The following FAT1 variants were observed in gnomAD, a reference collection of about 807,000 sequenced individuals.
FAT1 encodes protocadherin Fat 1.
A neutral mutation model predicts 329.8 loss-of-function variants in FAT1; 171 were observed. The ratio of observed to expected loss-of-function variants is 0.52; its 90% CI spans 0.46 to 0.59. The LOEUF (loss-of-function observed/expected upper bound fraction) is 0.59. Among genes scored for constraint, FAT1 ranks in the 20% least tolerant of loss-of-function variants. The pLI is 0.00. For missense variants in FAT1, 5,672 were observed against 5,774.4 expected (o/e 0.98, Z 0.57); for synonymous variants, 2,233 against 2,228.6 (o/e 1.00, Z -0.06).
intron 7 of FAT1, among the ~76,000 whole-genome samples, 180 bp downstream of exon 7, chr4:186,633,504 A>C (rs544399758): frequency 6.6e-6 from 1 of 152,266 alleles, no homozygotes; most frequent in East Asian, 1.9e-4. Flanking sequence ...GCAAAACCCA[A>C]ATTGGGATAT....
chr4:186,677,493 T>A (rs1039138124), intron 2 of FAT1, among the ~76,000 whole-genome samples: 1 of 149,340 alleles, frequency 6.7e-6, no homozygotes, highest in Non-Finnish European at 1.5e-5. Flanking sequence ...AATTCAGGGT[T>A]TTTTTTTTTA....
intron 22 of FAT1, among the ~76,000 whole-genome samples, chr4:186,599,598 C>T (rs1299914076): frequency 2.0e-5 from 3 of 152,270 alleles, no homozygotes; most frequent in African/African-American, 4.8e-5. Flanking sequence ...TCCCCTGGGC[C>T]GATGACTATG....
Position 186,715,554 on chromosome 4 carries a change from T to G in FAT1, c.-18-5709A>C, listed in dbSNP as rs369084101. Among the ~76,000 whole-genome samples, 22 of 152,308 alleles carry G rather than the reference T, an allele frequency of 1.4e-4. No homozygotes were observed. In the South Asian group the frequency reaches 4.6e-3, roughly 32 times the overall value. On this transcript the variant is annotated intron_variant, in intron 1 of 26. Transcript: ENST00000441802. Reference sequence around the variant, plus strand: ...ATAAAAACCACCCTGATCAAAACAATGGCTGTGGCTCTCATGCAAAACAAA... The same window carrying G: ...ATAAAAACCACCCTGATCAAAACAAGGGCTGTGGCTCTCATGCAAAACAAA...
In FAT1 at chr4:186,707,033, T is replaced by C. The variant is rs752333957; in HGVS notation, c.2795A>G (p.Tyr932Cys). 3.7e-6 allele frequency: 6 copies of C among 1,613,818 alleles called. No homozygotes were observed. The Admixed American group carries it at 6.7e-5, about 18-fold the overall frequency. The part of the protein sequence containing the change: ...DNPPTFIPPN[Y>C]RVKVREDLPE... ...AAGATCCTCTCGGACTTTCACACGA[T>C]AATTAGGTGGAATAAATGTAGGTGG... The change falls in exon 2 of 27, where the codon TAT (tyrosine) becomes TGT (cysteine). Residue 932 changes from tyrosine (Y) to cysteine (C), a missense_variant. Around this residue, in one of 2 missense-constraint regions of FAT1, gnomAD observed 3,966 missense variants for 3,915.2 expected, o/e 1.01. Coordinates refer to ENST00000441802, the MANE Select transcript of FAT1 (RefSeq NM_005245.4).
At chr4:186,719,196 G>A (rs936031356) in intron 1 of FAT1, among the ~76,000 whole-genome samples, 1 of 151,816 alleles carries the variant, frequency 6.6e-6, no homozygotes, top group Non-Finnish European at 1.5e-5. Context: ...AAATCATGAA[G>A]GATCAGTGCA....
chr4:186,652,767 A>G (rs1438658904), intron 3 of FAT1, among the ~76,000 whole-genome samples: 3 of 152,160 alleles, frequency 2.0e-5, no homozygotes, highest in African/African-American at 7.2e-5. Context: ...CAGTTTGTTC[A>G]GTATTCGTTC....
chr4:186,592,450 A>G (rs899069294), intron 26 of FAT1, among the ~76,000 whole-genome samples: 2 of 144,150 alleles, frequency 1.4e-5, no homozygotes, highest in Non-Finnish European at 3.1e-5. Context: ...ACCTACAGAT[A>G]AGCTCTCCAG....
chr4:186,589,305 A>T (rs2126359063), intron 26 of FAT1, 85 bp from the exon 27 acceptor site: 1 of 1,419,902 alleles, frequency 7.0e-7, no homozygotes, highest in Non-Finnish European at 9.5e-7. Flanking sequence ...TCAAAGACAC[A>T]AAGATGCAAC....
Position 186,610,000 on chromosome 4 carries a change from A to G in FAT1, c.9869T>C (p.Ile3290Thr), listed in dbSNP as rs541694737. 12 of 1,610,064 alleles carry G rather than the reference A, an allele frequency of 7.5e-6. No homozygotes were observed. The South Asian group carries it at 1.3e-4, about 18-fold the overall frequency. The change falls in exon 15 of 27, where the codon ATT (isoleucine) becomes ACT (threonine). Residue 3290 changes from isoleucine (I) to threonine (T), a missense_variant. By Grantham distance (89) the Ile-to-Thr change is moderately conservative (BLOSUM62 -1). This residue lies in a region of FAT1 where 1,706 missense variants were observed against 1,859.1 expected (regional missense o/e 0.92). Transcript: ENST00000441802. ...AGAGCTCTCATAATCCAGATTCTCA[A>G]TGATAAATACGGCCCCTGAATAGAA... ...IDSKTGAVFIIENLDYESSHE... is the reference protein window; with the variant it reads ...IDSKTGAVFITENLDYESSHE...
intron 1 of FAT1, among the ~76,000 whole-genome samples, chr4:186,714,586 G>A (rs1235480311): frequency 3.3e-5 from 5 of 151,982 alleles, no homozygotes; most frequent in African/African-American, 1.2e-4. Flanking sequence ...GAAGAGAGCA[G>A]GCAGAAGAAA....
intron 26 of FAT1, among the ~76,000 whole-genome samples, chr4:186,592,460 G>C (rs531421624): frequency 2.5e-4 from 31 of 122,256 alleles, no homozygotes; most frequent in Admixed American, 2.5e-3. Context: ...AAGCTCTCCA[G>C]ATCTCATGTA....
intron 3 of FAT1, among the ~76,000 whole-genome samples, chr4:186,662,471 A>C (rs1051944234): frequency 2.0e-5 from 3 of 152,154 alleles, no homozygotes; most frequent in Non-Finnish European, 4.4e-5. Flanking sequence ...GGAAAAAAAT[A>C]TTAGAAGCAA....
chr4:186,645,984 C>T (rs1168072937), intron 3 of FAT1, among the ~76,000 whole-genome samples: 1 of 147,354 alleles, frequency 6.8e-6, no homozygotes, highest in Non-Finnish European at 1.5e-5. Flanking sequence ...CACACACACA[C>T]ACACACACAC....
At chr4:186,602,088 G>A (rs1450957659) in intron 20 of FAT1, among the ~76,000 whole-genome samples, 1 of 152,124 alleles carries the variant, frequency 6.6e-6, no homozygotes, top group Non-Finnish European at 1.5e-5. Context: ...ATGAACAAAT[G>A]AGATGAAAAC....
intron 26 of FAT1, chr4:186,592,883 C>G (rs1010953264): frequency 2.5e-6 from 1 of 397,670 alleles, no homozygotes; most frequent in South Asian, 1.9e-5. Flanking sequence ...AATACAACCA[C>G]ATAATGATGC....
intron 3 of FAT1, among the ~76,000 whole-genome samples, chr4:186,645,803 G>C (rs1266078192): frequency 1.3e-5 from 2 of 151,516 alleles, no homozygotes; most frequent in East Asian, 3.9e-4. Flanking sequence ...AAAATTAGCT[G>C]GGTGTGGTGG....
In FAT1 at chr4:186,621,468, T is replaced by C. The variant is rs539235113; in HGVS notation, c.5118A>G (p.Thr1706=). 1.9e-6 allele frequency: 3 copies of C among 1,614,050 alleles called. No individual in the cohort carries two copies. The highest frequency in any genetic ancestry group is 2.5e-6 in the Non-Finnish European group (3 of 1,179,882). The change falls in exon 10 of 27, where the codon ACA becomes ACG. Residue 1706 remains threonine (T), a synonymous_variant. Transcript: ENST00000441802. Reference sequence around the variant, plus strand: ...GTGGATTAATATCAAAAGCATCACCTGTATTTCCATCTTTTATTTCATACA... The same window carrying C: ...GTGGATTAATATCAAAAGCATCACCCGTATTTCCATCTTTTATTTCATACA... ...SVVYEIKDGN[T]GDAFDINPHS... is the part of the protein sequence containing the mutation.
At position 186,708,080 on chromosome 4, in the gene FAT1, C is replaced by A. The variant is rs2126693713; in HGVS notation, c.1748G>T (p.Gly583Val). The A allele has an allele frequency of 6.2e-7, 1 of 1,613,946 alleles. No homozygotes were observed. The stretch of plus-strand genomic sequence containing the variant: ...AACAGTGGTTATTTGCTCTCCCACG[C>A]CTAGATCTCTGGGAATTGTCCCTTC... The part of the protein sequence containing the change: ...NCEGTIPRDL[G>V]VGEQITTVSA... The change falls in exon 2 of 27, where the codon GGC (glycine) becomes GTC (valine). Residue 583 changes from glycine to valine, a missense_variant. Physicochemically the swap from Gly to Val is moderately radical, Grantham distance 109. This residue lies in a region of FAT1 where 3,966 missense variants were observed against 3,915.2 expected (regional missense o/e 1.01). Transcript: ENST00000441802.
intron 1 of FAT1, among the ~76,000 whole-genome samples, chr4:186,720,181 C>T (rs1334143474): frequency 6.6e-6 from 1 of 152,218 alleles, no homozygotes; most frequent in Non-Finnish European, 1.5e-5. Context: ...TGACCTCTTC[C>T]CTTCCGAAAG....
Sources: gnomAD v4.1 joint callset for allele counts (sites outside exome capture counted in the v4.1 genomes callset) on GRCh38, gnomAD v4.1.1 for gene constraint, gnomAD v4.1.1 regional missense constraint, MANE v1.5 for transcripts, NCBI Gene and HGNC (gene_info 2026-07-23, HGNC 2026-07-21) for gene names.